EP400: variants seen among roughly 807,000 people sequenced by gnomAD.
EP400 encodes the protein E1A binding protein p400.
In EP400, 105 loss-of-function variants were observed where a neutral mutation model predicts 354.1. That is an observed-to-expected ratio of 0.30 (90% confidence interval 0.25 to 0.35). The LOEUF is 0.35. Ranked by LOEUF, EP400 falls within the 10% of genes least tolerant of loss-of-function variation. EP400 has a pLI of 1.00. For synonymous variants in EP400, 1,646 were observed against 1,716.9 expected (o/e 0.96, Z 1.02); for missense variants, 3,280 against 4,121.0 (o/e 0.80, Z 5.59).
At position 132,029,755 on chromosome 12, in the gene EP400, G is replaced by A. The variant is rs143343739; in HGVS notation, c.5436G>A (p.Pro1812=). Reference sequence around the variant, plus strand: ...CAGCACCCCCGTCCCTACGGGTGCCGCGGCCGCCACCCCTGTACAGCCACA... The same window carrying A: ...CAGCACCCCCGTCCCTACGGGTGCCACGGCCGCCACCCCTGTACAGCCACA... ...VVAAPPSLRV[P]RPPPLYSHRM... Residue 1812 remains proline, a synonymous_variant, in exon 28 of 53, where the codon CCG becomes CCA. Coordinates refer to ENST00000389561, the MANE Select transcript of EP400 (RefSeq NM_015409.5). This position sits in a 1 kb window ranked among gnomAD's most constrained non-coding sequence, Gnocchi z 4.7. 4.6e-4 allele frequency: 738 copies of A among 1,613,290 alleles called. 2 individuals carry two copies. The African/African-American group carries it at 8.8e-3, about 19-fold the overall frequency.
intron 30 of EP400, among the ~76,000 whole-genome samples, chr12:132,035,529 C>T (rs966098328): frequency 6.6e-6 from 1 of 152,168 alleles, no homozygotes; most frequent in Non-Finnish European, 1.5e-5. Flanking sequence ...AGGGCACACC[C>T]AGGTTCACAC....
intron 47 of EP400, among the ~76,000 whole-genome samples, chr12:132,063,873 CGT>C (rs1420244090): frequency 6.6e-6 from 1 of 152,192 alleles, no homozygotes; most frequent in African/African-American, 2.4e-5. Flanking sequence ...TCCTGCGGGA[CGT>C]GCCACTGGAC....
At position 131,961,665 on chromosome 12, in the gene EP400, A is replaced by G. The variant is rs1349115037; in HGVS notation, c.1046A>G (p.Lys349Arg). The G allele has an allele frequency of 1.2e-6, 2 of 1,611,148 alleles. No homozygotes were observed. Among genetic ancestry groups the G allele is most frequent in the African/African-American group, 1.3e-5 (1 of 74,872 alleles). Residue 349 changes from lysine (K) to arginine (R), a missense_variant, in exon 2 of 53, where the codon AAG becomes AGG. Around this residue, in one of 20 missense-constraint regions of EP400, gnomAD observed 85 missense variants for 180.3 expected, o/e 0.47. Transcript: ENST00000389561. ...AACACGGGAATGAAGAAGGTTCCCAAGAAGTTAGAGGAGATTCCCCCAGCC... is the reference window on the plus strand; with the variant it reads ...AACACGGGAATGAAGAAGGTTCCCAGGAAGTTAGAGGAGATTCCCCCAGCC... ...VGNTGMKKVP[K>R]KLEEIPPASP...
intron 30 of EP400, among the ~76,000 whole-genome samples, chr12:132,035,480 C>G (rs1000454315): frequency 6.6e-6 from 1 of 152,232 alleles, no homozygotes; most frequent in Non-Finnish European, 1.5e-5. Flanking sequence ...TTTCCCCACA[C>G]GGTTGTGCAC....
intron 45 of EP400, among the ~76,000 whole-genome samples, chr12:132,058,544 G>A (rs1459208101): frequency 6.6e-6 from 1 of 151,928 alleles, no homozygotes; most frequent in Admixed American, 6.6e-5. Flanking sequence ...TAGAGACGGG[G>A]TTTCACCATC....
Position 132,062,660 on chromosome 12 carries a change from C to T in EP400, c.8293C>T (p.Gln2765Ter). Residue 2765 changes from glutamine (Q) to a stop codon, truncating the protein, a stop_gained, in exon 47 of 53, where the codon CAG becomes TAG. Coordinates refer to ENST00000389561, the MANE Select transcript of EP400 (RefSeq NM_015409.5). LOFTEE classifies it high-confidence loss of function. ...AGTTCCACAGATCCAGGGCCAGGCCCAGTCCCCAGCACAGATCAAAGCTGT... is the reference window on the plus strand; with the variant it reads ...AGTTCCACAGATCCAGGGCCAGGCCTAGTCCCCAGCACAGATCAAAGCTGT... ...VQVPQIQGQA[Q>*]SPAQIKAVGK... The T allele has an allele frequency of 6.2e-7, 1 of 1,614,150 alleles. No homozygotes were observed. The highest frequency in any genetic ancestry group is 8.5e-7 in the Non-Finnish European group (1 of 1,180,034).
intron 45 of EP400, among the ~76,000 whole-genome samples, chr12:132,056,499 T>G (rs1420604167): frequency 1.3e-5 from 2 of 152,104 alleles, no homozygotes; most frequent in Non-Finnish European, 2.9e-5. Context: ...GTGAACAGAC[T>G]GTCTTGTCAG....
chr12:132,061,096 G>C (rs1407323998), intron 45 of EP400, among the ~76,000 whole-genome samples: 1 of 152,178 alleles, frequency 6.6e-6, no homozygotes, highest in Admixed American at 6.5e-5. Context: ...GTTAGAAAGA[G>C]GAAATAAATA....
chr12:131,995,297 A>G (rs1482819279), intron 12 of EP400, among the ~76,000 whole-genome samples: 1 of 151,928 alleles, frequency 6.6e-6, no homozygotes, highest in Non-Finnish European at 1.5e-5. Context: ...CTTCATGTGA[A>G]TGAATCCCAC....
chr12:132,025,910 C>G lies in EP400; in HGVS notation c.5014+106C>G. On this transcript the variant is annotated intron_variant, in intron 25 of 52. Coordinates refer to ENST00000389561, the MANE Select transcript of EP400 (RefSeq NM_015409.5). The surrounding 1 kb of genome is among the most constrained non-coding windows in gnomAD (Gnocchi z 4.1). ...TGTCTTTGACTGTATCTCAGAACAG[C>G]ACAGTCTAGTGTGTGGCCATCTCTG... 1 of 1,322,424 alleles carries G rather than the reference C, an allele frequency of 7.6e-7. No individual in the cohort carries two copies. Among genetic ancestry groups the G allele is most frequent in the African/African-American group, 1.5e-5 (1 of 68,178 alleles). 81.9% of individuals were successfully genotyped at this position (1,322,424 alleles called of 1,614,324 possible). A position where few individuals can be genotyped will look rare whatever the true frequency, so the allele number is the denominator to read the frequency against.
At chr12:132,008,942 T>A (rs1213768638) in intron 15 of EP400, among the ~76,000 whole-genome samples, 4 of 132,636 alleles carry the variant, frequency 3.0e-5, no homozygotes, top group African/African-American at 8.4e-5. Context: ...TTTTTTTTTT[T>A]AGGAGCTGTT....
At chr12:131,998,312 A>T (rs1292461336) in intron 12 of EP400, among the ~76,000 whole-genome samples, 1 of 152,206 alleles carries the variant, frequency 6.6e-6, no homozygotes, top group Non-Finnish European at 1.5e-5. Context: ...TTTCACAGAA[A>T]AACCTATTGG....
At chr12:132,005,987 A>AATTATTGCCTAATTCAGT in intron 13 of EP400, 125 bp from the exon 14 acceptor site, 1 of 891,718 alleles carries the variant, frequency 1.1e-6, no homozygotes. Context: ...ACAAATAAAA[A>AATTATTGCCTAATTCAGT]ATTATTGCCT....
intron 52 of EP400, among the ~76,000 whole-genome samples, 169 bp downstream of exon 52, chr12:132,076,762 C>T (rs563108234): frequency 6.6e-6 from 1 of 152,344 alleles, no homozygotes; most frequent in Non-Finnish European, 1.5e-5. Flanking sequence ...AGTGAACAAG[C>T]GTTTAGAGGT....
intron 50 of EP400, 44 bp from the exon 51 acceptor site, chr12:132,069,451 C>G: frequency 6.3e-7 from 1 of 1,597,850 alleles, no homozygotes; most frequent in East Asian, 2.2e-5. Context: ...GAGTCTTGAG[C>G]GCGGCATGGT....
At chr12:131,989,305 C>T (rs1892956231) in intron 7 of EP400, among the ~76,000 whole-genome samples, 1 of 152,246 alleles carries the variant, frequency 6.6e-6, no homozygotes, top group Non-Finnish European at 1.5e-5. Flanking sequence ...GGCTGCAGAG[C>T]AGCCCACCCC....
In EP400 at chr12:132,044,883, C is replaced by T; in HGVS notation, c.6714C>T (p.Pro2238=). The change falls in exon 37 of 53, where the codon CCC becomes CCT. Residue 2238 remains proline (P), a synonymous_variant. Transcript: ENST00000389561. ...SVMCLMYEAT[P]IPEAKLPPVY... is the part of the protein sequence containing the mutation. ...TGTGTCTCATGTATGAAGCCACTCC[C>T]ATCCCAGAGGCTAAGCTGCCCCCTG... is the stretch of plus-strand genomic sequence containing the variant. 1 of 1,614,214 alleles carries T rather than the reference C, an allele frequency of 6.2e-7. No individual in the cohort carries two copies. Among genetic ancestry groups the T allele is most frequent in the South Asian group, 1.1e-5 (1 of 91,086 alleles).
rs1565929826 is a variant in EP400, at chr12:132,052,821, CAG to C, written c.7395-321_7395-320del. ...AGGGCATCCTCACAGAAGGAACAGA[CAG>C]AGATTTTCCCAAGTACAGTGCAGAC... On this transcript the variant is annotated intron_variant, in intron 41 of 52. Transcript: ENST00000389561. This position sits in a 1 kb window ranked among gnomAD's most constrained non-coding sequence, Gnocchi z 4.4. 6.6e-6 allele frequency among the ~76,000 whole-genome samples: 1 copy of C among 152,166 alleles called. No individual in the cohort carries two copies. The highest frequency in any genetic ancestry group is 1.5e-5 in the Non-Finnish European group (1 of 68,026).
Position 131,981,474 on chromosome 12 carries a change from TGAAAA to T in EP400, c.1436-14_1436-10del, listed in dbSNP as rs1234614877. 7 of 1,540,200 alleles carry T rather than the reference TGAAAA, an allele frequency of 4.5e-6. No homozygotes were observed. Among genetic ancestry groups the T allele is most frequent in the Admixed American group, 2.1e-5 (1 of 47,958 alleles). ...TTTTTACATCAAACTGCACCTTTTT[TGAAAA>T]TTATTCTAGAGCAGTCTAAGAGGCC... On this transcript the variant is annotated splice_polypyrimidine_tract_variant and intron_variant, in intron 3 of 52. Transcript: ENST00000389561.
Sources: gnomAD v4.1 joint callset for allele counts (sites outside exome capture counted in the v4.1 genomes callset) on GRCh38, gnomAD v4.1.1 for gene constraint, gnomAD v4.1.1 regional missense constraint, Gnocchi (gnomAD v3.1) non-coding constraint, MANE v1.5 for transcripts, NCBI Gene and HGNC (gene_info 2026-07-23, HGNC 2026-07-21) for gene names.